The following CDC7 variants were observed in gnomAD, a reference collection of about 807,000 sequenced individuals.
The protein encoded by CDC7 is cell division cycle 7-related protein kinase.
Under a neutral mutation model 53.5 loss-of-function variants are expected in CDC7, and 34 were observed. That is an observed-to-expected ratio of 0.64 (90% CI 0.48 to 0.85). The LOEUF is 0.85. Ranked by LOEUF, CDC7 falls within the 40% of genes least tolerant of loss-of-function variation. The pLI is 0.00. For synonymous variants in CDC7, 211 were observed against 222.8 expected (o/e 0.95, Z 0.47); for missense variants, 594 against 679.7 (o/e 0.87, Z 1.40).
At chr1:91,515,158 C>T (rs1300741221) in intron 9 of CDC7, among the ~76,000 whole-genome samples, 161 bp downstream of exon 9, 1 of 152,174 alleles carries the variant, frequency 6.6e-6, no homozygotes, top group East Asian at 1.9e-4. Context: ...CAAATGATAA[C>T]AGTTTTCATA....
At chr1:91,514,492 C>G (rs1415027615) in intron 8 of CDC7, among the ~76,000 whole-genome samples, 2 of 152,204 alleles carry the variant, frequency 1.3e-5, no homozygotes, top group Admixed American at 6.5e-5. Flanking sequence ...AGCCAACGTA[C>G]TTGTGCAGTT....
chr1:91,503,213 G>A (rs1666797879), intron 2 of CDC7, among the ~76,000 whole-genome samples: 1 of 152,036 alleles, frequency 6.6e-6, no homozygotes, highest in Non-Finnish European at 1.5e-5. Flanking sequence ...ATTTTATTAC[G>A]GATTTCAAAA....
Position 91,507,596 on chromosome 1 carries a change from A to G in CDC7, c.116-258A>G, listed in dbSNP as rs374849690. On this transcript the variant is annotated intron_variant, in intron 2 of 11. Coordinates refer to ENST00000234626, the MANE Select transcript of CDC7 (RefSeq NM_003503.4). ...TCATGTTGTAATCTCTACAGTAACA[A>G]TGTATCTCTTAGTATATAATTCCAG... Among the ~76,000 whole-genome samples, 8 of 142,324 alleles carry G rather than the reference A, an allele frequency of 5.6e-5. No individual in the cohort carries two copies. In the East Asian group the frequency reaches 1.4e-3, roughly 25 times the overall value. The allele number at this position is 142,324 out of a possible 152,430, so 93.4% of individuals were successfully genotyped here.
In CDC7 at chr1:91,525,233, A is replaced by T. The variant is rs1668203825; in HGVS notation, c.*798A>T. On this transcript the variant is annotated 3_prime_UTR_variant, in exon 12 of 12. Coordinates refer to ENST00000234626, the MANE Select transcript of CDC7 (RefSeq NM_003503.4). ...GGGAAGCTGCAGGACCAAGGTGAAG[A>T]TTGATAGTCCAAATGCTTTTCTTTT... is the stretch of plus-strand genomic sequence containing the variant. 1 of 152,152 alleles carries T rather than the reference A, an allele frequency of 6.6e-6. No individual in the cohort carries two copies. Among genetic ancestry groups the T allele is most frequent in the African/African-American group, 2.4e-5 (1 of 41,446 alleles). The allele number at this position is 152,152 out of a possible 1,614,324, so 9.4% of individuals were successfully genotyped here.
chr1:91,507,580 A>G (rs921760970), intron 2 of CDC7, among the ~76,000 whole-genome samples: 2 of 151,432 alleles, frequency 1.3e-5, no homozygotes, highest in Non-Finnish European at 2.9e-5. Flanking sequence ...TTCATGTTGT[A>G]ATCTCTACAG....
At chr1:91,511,112 ATC>A (rs1667265234) in intron 4 of CDC7, among the ~76,000 whole-genome samples, 1 of 152,004 alleles carries the variant, frequency 6.6e-6, no homozygotes, top group Admixed American at 6.6e-5. Context: ...ATTTTTTGGT[ATC>A]TCTATTGTTT....
At chr1:91,504,776 A>C (rs1400015471) in intron 2 of CDC7, among the ~76,000 whole-genome samples, 3 of 152,200 alleles carry the variant, frequency 2.0e-5, no homozygotes, top group Non-Finnish European at 4.4e-5. Flanking sequence ...CCCCAGAATA[A>C]CCATGACTAT....
intron 9 of CDC7, 61 bp from the exon 10 acceptor site, chr1:91,515,732 TA>T (rs1667525499): frequency 6.3e-7 from 1 of 1,592,342 alleles, no homozygotes; most frequent in African/African-American, 1.4e-5. Context: ...TGATGAATGT[TA>T]TTTTTTAGAC....
rs1307006744 is a variant in CDC7 at position 91,500,895 on chromosome 1, G to C, written c.-117G>C. ...TCGACTCGGTAGGTGGGGATCTCTT[G>C]GAGACGGCGACCCAGGCATCTGGGG... On this transcript the variant is annotated 5_prime_UTR_variant, in exon 1 of 12. Coordinates refer to ENST00000234626, the MANE Select transcript of CDC7 (RefSeq NM_003503.4). 2.6e-5 allele frequency: 4 copies of C among 152,300 alleles called. No homozygotes were observed. The highest frequency in any genetic ancestry group is 2.6e-4 in the Admixed American group (4 of 15,294). 9.4% of individuals were successfully genotyped at this position (152,300 alleles called of 1,614,324 possible). A position where few individuals can be genotyped will look rare whatever the true frequency, so the allele number is the denominator to read the frequency against.
chr1:91,507,289 A>T (rs1432687363), intron 2 of CDC7, among the ~76,000 whole-genome samples: 1 of 152,208 alleles, frequency 6.6e-6, no homozygotes, highest in African/African-American at 2.4e-5. Context: ...TAAAGAACTG[A>T]TACTTATTTA....
chr1:91,519,719 G>A (rs1463285292), intron 10 of CDC7, among the ~76,000 whole-genome samples: 1 of 152,220 alleles, frequency 6.6e-6, no homozygotes, highest in Non-Finnish European at 1.5e-5. Flanking sequence ...TCACTAAAAT[G>A]AAAGCACTTT....
chr1:91,507,766 AATTT>A (rs1469121374), intron 2 of CDC7, 84 bp from the exon 3 acceptor site: 3 of 882,114 alleles, frequency 3.4e-6, no homozygotes, highest in Admixed American at 2.7e-5. Flanking sequence ...CATATTTTAT[AATTT>A]ATTTCATTGA....
rs1490917679 is a variant in CDC7, at chr1:91,524,107, G to A, written c.1397G>A (p.Arg466Lys). 1.4e-5 allele frequency: 23 copies of A among 1,613,666 alleles called. No individual in the cohort carries two copies. The highest frequency in any genetic ancestry group is 1.9e-5 in the Non-Finnish European group (23 of 1,179,802). ...QDLRKLCERL[R>K]GMDSSTPKLT... is the part of the protein sequence containing the mutation. The stretch of plus-strand genomic sequence containing the variant: ...TTGAGAAAACTCTGTGAGAGACTCA[G>A]GGGTATGGATTCTAGCACTCCCAAG... Residue 466 changes from arginine (R) to lysine (K), a missense_variant, in exon 12 of 12, where the codon AGG becomes AAG. Arg to Lys is a conservative substitution (Grantham distance 26). Coordinates refer to ENST00000234626, the MANE Select transcript of CDC7 (RefSeq NM_003503.4).
chr1:91,516,997 G>A (rs10782953), intron 10 of CDC7, among the ~76,000 whole-genome samples: 43,182 of 151,914 alleles, frequency 0.28, 6,385 homozygotes, highest in East Asian at 0.48. Context: ...CGCAGGAGGC[G>A]GAAGTTGCAG....
intron 8 of CDC7, among the ~76,000 whole-genome samples, chr1:91,514,415 T>G (rs945152735): frequency 3.3e-5 from 5 of 152,178 alleles, no homozygotes; most frequent in Non-Finnish European, 7.4e-5. Context: ...TGTAGATGAT[T>G]TCAGATTGAC....
intron 7 of CDC7, 47 bp from the exon 8 acceptor site, chr1:91,513,901 T>C: frequency 7.6e-7 from 1 of 1,316,598 alleles, no homozygotes; most frequent in Non-Finnish European, 1.1e-6. Flanking sequence ...TGGCAGAAAG[T>C]GTTACAGATA....
At chr1:91,518,499 A>G (rs1046322362) in intron 10 of CDC7, among the ~76,000 whole-genome samples, 17 of 152,196 alleles carry the variant, frequency 1.1e-4, no homozygotes, top group African/African-American at 3.9e-4. Flanking sequence ...GTGTCCGTCA[A>G]CAGATGAATG....
At chr1:91,503,807 T>C (rs1213659531) in intron 2 of CDC7, among the ~76,000 whole-genome samples, 2 of 152,210 alleles carry the variant, frequency 1.3e-5, no homozygotes, top group Non-Finnish European at 2.9e-5. Flanking sequence ...TAGGTACATT[T>C]TTTAGAAACT....
intron 8 of CDC7, 85 bp downstream of exon 8, chr1:91,514,128 T>C: frequency 1.2e-6 from 1 of 829,812 alleles, no homozygotes. Context: ...ACATTTATTA[T>C]CAGAAATTTT....
Sources: allele counts gnomAD v4.1 joint callset (sites outside exome capture counted in the v4.1 genomes callset), GRCh38; gene constraint gnomAD v4.1.1; transcripts MANE v1.5; gene names NCBI Gene and HGNC (gene_info 2026-07-23, HGNC 2026-07-21).